The following CEP295 variants were observed in gnomAD, a reference collection of about 807,000 sequenced individuals.
CEP295 encodes the protein centrosomal protein 295, also known as centrosomal protein of 295 kDa.
In CEP295, 190 loss-of-function variants were observed where a neutral mutation model predicts 291.6. The observed-to-expected ratio is 0.65, with a 90% confidence interval of 0.58 to 0.73. CEP295 has a LOEUF of 0.73. CEP295 is among the 30% of genes least tolerant of loss of function. The probability of loss-of-function intolerance (pLI) is 0.00; values close to 1 mark genes in which losing one functional copy is unlikely to be tolerated. For synonymous variants in CEP295, 993 were observed against 1,038.8 expected, an observed-to-expected ratio of 0.96 and a Z score of 0.85; for missense variants, 2,863 against 2,949.4, an observed-to-expected ratio of 0.97 and a Z score of 0.68.
chr11:93,697,607 T>C lies in CEP295; in HGVS notation c.2695T>C (p.Leu899=). The change falls in exon 15 of 30, where the codon TTA becomes CTA. Residue 899 remains leucine, a synonymous_variant. Transcript: ENST00000325212. Reference sequence around the variant, plus strand: ...CTTGGTAACTCCAGATTCATCTGCTTTATTGCCTTCTGCCAAAGCAGATTT... The same window carrying C: ...CTTGGTAACTCCAGATTCATCTGCTCTATTGCCTTCTGCCAAAGCAGATTT... The part of the protein sequence containing the change: ...LPLVTPDSSA[L]LPSAKADLGR... 1 of 1,551,838 alleles carries C rather than the reference T, an allele frequency of 6.4e-7. No individual in the cohort carries two copies. Among genetic ancestry groups the C allele is most frequent in the Non-Finnish European group, 8.7e-7 (1 of 1,147,012 alleles).
chr11:93,727,546 C>CA lies in CEP295; in HGVS notation c.7075dup (p.Ile2359AsnfsTer50), dbSNP rs1465308937. ...GAGAATTCAGCTGAAACAGACATTC[C>CA]AAAAATCACCAAAAAACTATCTCAA... On this transcript the variant is annotated frameshift_variant, in exon 24 of 30. Coordinates refer to ENST00000325212, the MANE Select transcript of CEP295 (RefSeq NM_033395.2). LOFTEE classifies it high-confidence loss of function. 3.0e-5 allele frequency: 46 copies of CA among 1,551,324 alleles called. No homozygotes were observed. Among genetic ancestry groups the CA allele is most frequent in the Non-Finnish European group, 3.9e-5 (45 of 1,146,844 alleles).
At chr11:93,707,458 G>T (rs16919241) in intron 18 of CEP295, among the ~76,000 whole-genome samples, 13 of 152,100 alleles carry the variant, frequency 8.5e-5, no homozygotes, top group East Asian at 7.7e-4. Context: ...TAGTTGTAAG[G>T]CATCTTTTAA....
In CEP295 at chr11:93,723,193, G is replaced by A; in HGVS notation, c.6100G>A (p.Val2034Met). The change falls in exon 21 of 30, where the codon GTG (valine) becomes ATG (methionine). Residue 2034 changes from valine to methionine, a missense_variant. This residue lies in a region of CEP295 where 2,295 missense variants were observed against 2,335.7 expected (regional missense o/e 0.98). Transcript: ENST00000325212. ...SDVHKSLLPA[V>M]DETTCGHTHF... ...CGTTCATAAATCTCTGTTGCCTGCA[G>A]TGGATGAAACTACATGTGGTCACAC... is the stretch of plus-strand genomic sequence containing the variant. The A allele has an allele frequency of 6.4e-7, 1 of 1,552,046 alleles. No individual in the cohort carries two copies. Among genetic ancestry groups the A allele is most frequent in the Non-Finnish European group, 8.7e-7 (1 of 1,147,050 alleles).
intron 18 of CEP295, among the ~76,000 whole-genome samples, chr11:93,709,419 C>A (rs888312986): frequency 6.6e-6 from 1 of 152,144 alleles, no homozygotes. Flanking sequence ...CCCCCATGTA[C>A]GTTCTTGGCA....
chr11:93,691,776 G>C lies in CEP295; in HGVS notation c.1429+1G>C, dbSNP rs1361347151. The C allele has an allele frequency of 6.6e-7, 1 of 1,523,328 alleles. No homozygotes were observed. Among genetic ancestry groups the C allele is most frequent in the South Asian group, 1.3e-5 (1 of 79,962 alleles). 94.4% of individuals were successfully genotyped at this position (1,523,328 alleles called of 1,614,324 possible). ...GGTACAAACTCTGGAAAAGAACAAG[G>C]TATTTCTTTTTATCACATCCTCAAA... On this transcript the variant is annotated splice_donor_variant, in intron 11 of 29. Coordinates refer to ENST00000325212, the MANE Select transcript of CEP295 (RefSeq NM_033395.2). LOFTEE classifies it high-confidence loss of function.
chr11:93,721,613 G>GTT, intron 19 of CEP295: 1 of 751,510 alleles, frequency 1.3e-6, no homozygotes, highest in South Asian at 1.4e-5. Flanking sequence ...GATCTCTACA[G>GTT]TTCTGAGAAG....
chr11:93,729,525 C>T lies in CEP295; in HGVS notation c.7394C>T (p.Ser2465Phe). The T allele has an allele frequency of 1.9e-6, 3 of 1,551,220 alleles. No individual in the cohort carries two copies. Among genetic ancestry groups the T allele is most frequent in the Non-Finnish European group, 2.6e-6 (3 of 1,146,412 alleles). Residue 2465 changes from serine (S) to phenylalanine (F), a missense_variant, in exon 26 of 30, where the codon TCT becomes TTT. Around this residue, in one of 3 missense-constraint regions of CEP295, gnomAD observed 2,295 missense variants for 2,335.7 expected, o/e 0.98. Transcript: ENST00000325212. ...TCCATAGAAAAACCAAGGACAGCAT[C>T]TACAGGTAAGCCTTGGACGGCCTCC... is the stretch of plus-strand genomic sequence containing the variant. ...ELSIEKPRTA[S>F]TETPRRLTPV...
chr11:93,713,234 A>G (rs1452280757), intron 18 of CEP295, among the ~76,000 whole-genome samples: 1 of 152,216 alleles, frequency 6.6e-6, no homozygotes, highest in African/African-American at 2.4e-5. Flanking sequence ...AGTAGTTTAC[A>G]CAAAACAATT....
chr11:93,721,348 T>C lies in CEP295; in HGVS notation c.5786T>C (p.Val1929Ala). Residue 1929 changes from valine to alanine, a missense_variant, in exon 19 of 30, where the codon GTG (valine) becomes GCG (alanine). Transcript: ENST00000325212. ...LKESVVENHA[V>A]LSYAVEEEHA... is the part of the protein sequence containing the mutation. ...GAATCTGTTGTTGAAAATCATGCAG[T>C]GTTAAGTTATGCTGTGGAGGAAGAA... is the stretch of plus-strand genomic sequence containing the variant. 6.4e-7 allele frequency: 1 copy of C among 1,557,886 alleles called. No homozygotes were observed. The highest frequency in any genetic ancestry group is 1.4e-5 in the African/African-American group (1 of 73,400).
At chr11:93,665,343 G>A (rs909824670) in intron 1 of CEP295, among the ~76,000 whole-genome samples, 15 of 151,962 alleles carry the variant, frequency 9.9e-5, no homozygotes, top group Non-Finnish European at 1.2e-4. Flanking sequence ...TTTTTGCCTC[G>A]TTCCCCCAAA....
At position 93,720,489 on chromosome 11, in the gene CEP295, A is replaced by AAG. The variant is rs34039567; in HGVS notation, c.5750-822_5750-821insGA. Among the ~76,000 whole-genome samples, 12 of 121,316 alleles carry AAG rather than the reference A, an allele frequency of 9.9e-5. 3 individuals are homozygous for AAG. The highest frequency in any genetic ancestry group is 1.8e-4 in the Non-Finnish European group (11 of 60,004). The allele number at this position is 121,316 out of a possible 152,430, so 79.6% of individuals were successfully genotyped here. ...AGTCTGCCTCAAAAAAAAAAAAAAAAACTGTCTCTAAAAAAATGAAATAAA... is the reference window on the plus strand; with the variant it reads ...AGTCTGCCTCAAAAAAAAAAAAAAAAAGACTGTCTCTAAAAAAATGAAATAAA... On this transcript the variant is annotated intron_variant, in intron 18 of 29. Transcript: ENST00000325212.
At position 93,699,385 on chromosome 11, in the gene CEP295, G is replaced by C. The variant is rs1404974293; in HGVS notation, c.4473G>C (p.Lys1491Asn). Residue 1491 changes from lysine (K) to asparagine (N), a missense_variant, in exon 15 of 30, where the codon AAG becomes AAC. Coordinates refer to ENST00000325212, the MANE Select transcript of CEP295 (RefSeq NM_033395.2). ...VLSKPCKFEE[K>N]VSSEHFIQSH... ...CAAAACCATGTAAATTTGAGGAAAA[G>C]GTATCTTCTGAGCATTTTATCCAGT... The C allele has an allele frequency of 5.2e-6, 8 of 1,551,798 alleles. No individual in the cohort carries two copies. In the East Asian group the frequency reaches 9.8e-5, roughly 19 times the overall value.
At position 93,727,612 on chromosome 11, in the gene CEP295, C is replaced by T. The variant is rs200423518; in HGVS notation, c.7136C>T (p.Ser2379Leu). The T allele has an allele frequency of 4.1e-5, 63 of 1,548,780 alleles. No individual in the cohort carries two copies. The highest frequency in any genetic ancestry group is 6.0e-5 in the Admixed American group (3 of 50,398). ...SELFASSGSFSLQSSIPVWET... is the reference protein window; with the variant it reads ...SELFASSGSFLLQSSIPVWET... ...CTTTTTGCAAGTTCTGGATCATTTT[C>T]ATTACAGAGCTCTATACCAGTCTGG... The change falls in exon 24 of 30, where the codon TCA becomes TTA. Residue 2379 changes from serine to leucine, a missense_variant. Physicochemically the swap from Ser to Leu is moderately radical, Grantham distance 145. Transcript: ENST00000325212.
chr11:93,727,956 C>CT (rs947647254), intron 24 of CEP295: 2 of 199,346 alleles, frequency 1.0e-5, no homozygotes, highest in African/African-American at 4.7e-5. Context: ...ACAAAAGATC[C>CT]TTTTTCTCCC....
intron 26 of CEP295, 28 bp downstream of exon 26, chr11:93,729,558 T>C (rs1232908406): frequency 6.5e-7 from 1 of 1,549,462 alleles, no homozygotes; most frequent in Admixed American, 2.0e-5. Flanking sequence ...TCCACACTTC[T>C]AATGGAAAGT....
At chr11:93,677,575 C>G (rs1302017813) in intron 6 of CEP295, among the ~76,000 whole-genome samples, 1 of 152,170 alleles carries the variant, frequency 6.6e-6, no homozygotes, top group Non-Finnish European at 1.5e-5. Flanking sequence ...AAAAGTCCTA[C>G]ATTACATATT....
chr11:93,684,136 C>A lies in CEP295; in HGVS notation c.1114+8C>A, dbSNP rs1173236777. 7 of 1,548,082 alleles carry A rather than the reference C, an allele frequency of 4.5e-6. 1 individual carries two copies. In the South Asian group the frequency reaches 7.2e-5, roughly 16 times the overall value. ...GTTCTAGTGAAACAGATGGTAAAAA[C>A]CCTTCTGAGCTAAATATTACAGTAT... On this transcript the variant is annotated splice_region_variant and intron_variant, in intron 9 of 29. Transcript: ENST00000325212.
chr11:93,705,444 T>G (rs79048809), intron 17 of CEP295, among the ~76,000 whole-genome samples: 1,863 of 152,284 alleles, frequency 0.012, 43 homozygotes, highest in African/African-American at 0.043. Context: ...GATCTTTCCA[T>G]TTTTTCTTCT....
At chr11:93,712,403 G>A (rs530305979) in intron 18 of CEP295, among the ~76,000 whole-genome samples, 6 of 152,090 alleles carry the variant, frequency 3.9e-5, no homozygotes, top group South Asian at 2.1e-4. Context: ...ACAGGCATGC[G>A]CCACCACACC....
Sources: allele counts gnomAD v4.1 joint callset (sites outside exome capture counted in the v4.1 genomes callset), GRCh38; gene constraint gnomAD v4.1.1; regional missense constraint gnomAD v4.1.1; transcripts MANE v1.5; gene names NCBI Gene and HGNC (gene_info 2026-07-23, HGNC 2026-07-21).